Variants in ATP1A3 observed in about 807,000 individuals in gnomAD.
ATP1A3 encodes the protein ATPase Na+/K+ transporting subunit alpha 3, also known as sodium/potassium-transporting ATPase subunit alpha-3.
A neutral mutation model predicts 108.8 loss-of-function variants in ATP1A3; 12 were observed. That is an observed-to-expected ratio of 0.11 (90% confidence interval 0.07 to 0.18). ATP1A3 has a LOEUF of 0.18. Among genes scored for constraint, ATP1A3 ranks in the 10% least tolerant of loss-of-function variants. The pLI is 1.00. For synonymous variants in ATP1A3, 539 were observed against 564.5 expected (o/e 0.95, Z 0.64); for missense variants, 498 against 1,387.7 (o/e 0.36, Z 10.19).
At chr19:41,984,416 G>T in intron 8 of ATP1A3, 1 of 159,052 alleles carries the variant, frequency 6.3e-6, no homozygotes, top group Non-Finnish European at 1.4e-5. Flanking sequence ...GTAGAGACAG[G>T]GTTTCACCAT....
intron 1 of ATP1A3, among the ~76,000 whole-genome samples, chr19:41,989,538 C>G (rs182330347): frequency 6.6e-6 from 1 of 152,024 alleles, no homozygotes; most frequent in Admixed American, 6.6e-5. Context: ...CCAGGATGGT[C>G]GCAATCTCCT....
Position 41,977,928 on chromosome 19 carries a change from T to C in ATP1A3, c.1943+8A>G, listed in dbSNP as rs2075189189. 6.2e-7 allele frequency: 1 copy of C among 1,613,852 alleles called. No individual in the cohort carries two copies. Among genetic ancestry groups the C allele is most frequent in the Non-Finnish European group, 8.5e-7 (1 of 1,179,930 alleles). Reference sequence around the variant, plus strand: ...TGTCCAGGGCCCTGGCTGGGATGGGTGGCTCACCGGGGGTTAACCTGGCTG... The same window carrying C: ...TGTCCAGGGCCCTGGCTGGGATGGGCGGCTCACCGGGGGTTAACCTGGCTG... On this transcript the variant is annotated splice_region_variant and intron_variant, in intron 14 of 22. Coordinates refer to ENST00000648268, the MANE Select transcript of ATP1A3 (RefSeq NM_152296.5).
intron 1 of ATP1A3, among the ~76,000 whole-genome samples, chr19:41,991,352 G>GT (rs2075336623): frequency 1.3e-5 from 2 of 151,966 alleles, no homozygotes; most frequent in Admixed American, 1.3e-4. Context: ...TCAAGAAGGG[G>GT]TGCAGGGGGT....
chr19:41,979,617 A>G (rs1225853674), intron 11 of ATP1A3, among the ~76,000 whole-genome samples: 2 of 152,136 alleles, frequency 1.3e-5, no homozygotes, highest in East Asian at 1.9e-4. Context: ...GTATGCTTCC[A>G]TTTTTATGAA....
At chr19:41,984,490 G>A (rs1175103130) in intron 8 of ATP1A3, 2 of 182,134 alleles carry the variant, frequency 1.1e-5, no homozygotes, top group Non-Finnish European at 2.4e-5. Flanking sequence ...CCCCCAAAGT[G>A]CTGGGATTAC....
intron 16 of ATP1A3, among the ~76,000 whole-genome samples, chr19:41,972,918 G>A (rs1040360648): frequency 1.4e-5 from 2 of 144,786 alleles, no homozygotes; most frequent in Non-Finnish European, 3.0e-5. Context: ...AGGGAGGGAG[G>A]GAAGGGAAGG....
Position 41,978,147 on chromosome 19 carries a change from A to G in ATP1A3, c.1806+4T>C. 6.2e-7 allele frequency: 1 copy of G among 1,614,122 alleles called. No individual in the cohort carries two copies. Among genetic ancestry groups the G allele is most frequent in the Non-Finnish European group, 8.5e-7 (1 of 1,180,016 alleles). ...TTGCCTCCCCCAGCCACCCCAAGCC[A>G]CACCTTGATGCCTGCGCTGCGACAC... On this transcript the variant is annotated splice_donor_region_variant and intron_variant, in intron 13 of 22. Coordinates refer to ENST00000648268, the MANE Select transcript of ATP1A3 (RefSeq NM_152296.5). This position sits in a 1 kb window ranked among gnomAD's most constrained non-coding sequence, Gnocchi z 8.3.
At position 41,967,614 on chromosome 19, in the gene ATP1A3, C is replaced by G; in HGVS notation, c.2921+48G>C. The G allele has an allele frequency of 6.3e-7, 1 of 1,590,682 alleles. No homozygotes were observed. The highest frequency in any genetic ancestry group is 8.6e-7 in the Non-Finnish European group (1 of 1,162,290). On this transcript the variant is annotated intron_variant, in intron 21 of 22. Transcript: ENST00000648268. The surrounding 1 kb of genome is among the most constrained non-coding windows in gnomAD (Gnocchi z 4.2). Reference sequence around the variant, plus strand: ...TCAGGCTGAGTCTAAGGGAAGGCTCCATGGCAGGCGCTGGTGTGGGCAGGG... The same window carrying G: ...TCAGGCTGAGTCTAAGGGAAGGCTCGATGGCAGGCGCTGGTGTGGGCAGGG...
At chr19:41,975,971 A>T (rs1479075889) in intron 15 of ATP1A3, among the ~76,000 whole-genome samples, 174 bp from the exon 16 acceptor site, 2 of 150,440 alleles carry the variant, frequency 1.3e-5, no homozygotes, top group Non-Finnish European at 3.0e-5. Flanking sequence ...TTCCTCCCTC[A>T]GACCCAGGGG....
chr19:41,970,689 T>C, intron 16 of ATP1A3, 147 bp from the exon 17 acceptor site: 2 of 988,886 alleles, frequency 2.0e-6, no homozygotes, highest in South Asian at 3.4e-5. Flanking sequence ...TGGAGTGCAG[T>C]GGTGCGATCT....
rs536952168 is a variant in ATP1A3 at position 41,987,169 on chromosome 19, G to A, written c.357+767C>T. On this transcript the variant is annotated intron_variant, in intron 4 of 22. Transcript: ENST00000648268. ...TTACATTCTACAAGGCAGCTTCTTTGGTTCTCTGTGTGTGGATCTCTGTCT... is the reference window on the plus strand; with the variant it reads ...TTACATTCTACAAGGCAGCTTCTTTAGTTCTCTGTGTGTGGATCTCTGTCT... 3.0e-3 allele frequency among the ~76,000 whole-genome samples: 456 copies of A among 152,262 alleles called. 1 individual carries two copies. Among genetic ancestry groups the A allele is most frequent in the Non-Finnish European group, 4.8e-3 (325 of 68,018 alleles).
chr19:41,969,810 G>T (rs2075082830), intron 18 of ATP1A3, among the ~76,000 whole-genome samples: 1 of 152,194 alleles, frequency 6.6e-6, no homozygotes, highest in Non-Finnish European at 1.5e-5. Flanking sequence ...TCTCCCAGAG[G>T]GATAACCTGG....
Position 41,985,440 on chromosome 19 carries a change from C to T in ATP1A3, c.607-17G>A. The T allele has an allele frequency of 6.2e-7, 1 of 1,607,726 alleles. No homozygotes were observed. The highest frequency in any genetic ancestry group is 2.2e-5 in the East Asian group (1 of 44,836). On this transcript the variant is annotated splice_polypyrimidine_tract_variant and intron_variant, in intron 6 of 22. Coordinates refer to ENST00000648268, the MANE Select transcript of ATP1A3 (RefSeq NM_152296.5). The surrounding 1 kb of genome is among the most constrained non-coding windows in gnomAD (Gnocchi z 8.2). ...GTTGTCCACCTGGGGGTAGGTGCAG[C>T]AGAGAGAGGGTTCAGTCCAGGGCCT...
At chr19:41,993,174 A>G (rs2145993617) in intron 1 of ATP1A3, 1 of 127,768 alleles carries the variant, frequency 7.8e-6, no homozygotes, top group Non-Finnish European at 1.7e-5. Flanking sequence ...TCCTCTCCTG[A>G]TTCCCCCTCC....
Position 41,994,149 on chromosome 19 carries a change from G to C in ATP1A3, c.-73C>G, listed in dbSNP as rs2075365786. 3 of 1,454,906 alleles carry C rather than the reference G, an allele frequency of 2.1e-6. No homozygotes were observed. The African/African-American group carries it at 4.4e-5, about 21-fold the overall frequency. 90.1% of individuals were successfully genotyped at this position (1,454,906 alleles called of 1,614,324 possible). On this transcript the variant is annotated 5_prime_UTR_variant, in exon 1 of 23. Coordinates refer to ENST00000648268, the MANE Select transcript of ATP1A3 (RefSeq NM_152296.5). ...CGGGGCGGGCTCAGGCTCAGGCTTG[G>C]GCTGGGAGCCTCTGCAGCGCCCGCG... is the stretch of plus-strand genomic sequence containing the variant.
chr19:41,975,200 C>A (rs1381518153), intron 16 of ATP1A3, among the ~76,000 whole-genome samples: 1 of 152,160 alleles, frequency 6.6e-6, no homozygotes, highest in Non-Finnish European at 1.5e-5. Context: ...TACAGGCAAC[C>A]GCCACAATGC....
In ATP1A3 at chr19:41,968,498, G is replaced by T. The variant is rs1367731778; in HGVS notation, c.2819+287C>A. Among the ~76,000 whole-genome samples, 1 of 152,152 alleles carries T rather than the reference G, an allele frequency of 6.6e-6. No individual in the cohort carries two copies. ...CACTCCAGCCTGGGCAACAGAGCAA[G>T]ACTCTGTCTCTAAATAAATAAATAA... is the stretch of plus-strand genomic sequence containing the variant. On this transcript the variant is annotated intron_variant, in intron 20 of 22. Transcript: ENST00000648268. The surrounding 1 kb of genome is among the most constrained non-coding windows in gnomAD (Gnocchi z 5.0).
Position 41,981,549 on chromosome 19 carries a change from T to C in ATP1A3, c.1390A>G (p.Asn464Asp). 6.2e-7 allele frequency: 1 copy of C among 1,614,212 alleles called. No homozygotes were observed. The highest frequency in any genetic ancestry group is 8.5e-7 in the Non-Finnish European group (1 of 1,180,044). The change falls in exon 11 of 23, where the codon AAC (asparagine) becomes GAC (aspartate). Residue 464 changes from asparagine (N) to aspartate (D), a missense_variant. Transcript: ENST00000648268. The surrounding 1 kb of genome is among the most constrained non-coding windows in gnomAD (Gnocchi z 5.0). The stretch of plus-strand genomic sequence containing the variant: ...AAGGGAATCTCAGCCACTTTCTTGT[T>C]GCGTTCACGCATCAGCTTCACGGAG... ...SGSVKLMRERNKKVAEIPFNS... is the reference protein window; with the variant it reads ...SGSVKLMRERDKKVAEIPFNS...
chr19:41,994,044 G>A (rs2075364880), intron 1 of ATP1A3, 27 bp downstream of exon 1: 1 of 1,609,468 alleles, frequency 6.2e-7, no homozygotes, highest in Non-Finnish European at 8.5e-7. Flanking sequence ...TCACACGGAA[G>A]CGGCGCCCAG....
Sources: gnomAD v4.1 joint callset for allele counts (sites outside exome capture counted in the v4.1 genomes callset) on GRCh38, gnomAD v4.1.1 for gene constraint, Gnocchi (gnomAD v3.1) non-coding constraint, MANE v1.5 for transcripts, NCBI Gene and HGNC (gene_info 2026-07-23, HGNC 2026-07-21) for gene names.